Variants in DGKB observed in about 807,000 individuals in gnomAD.
DGKB encodes the protein 90 kDa diacylglycerol kinase.
Under a neutral mutation model 114.3 loss-of-function variants are expected in DGKB, and 67 were observed. That is an observed-to-expected ratio of 0.59 (90% CI 0.48 to 0.72). The LOEUF is 0.72. Among genes scored for constraint, DGKB ranks in the 30% least tolerant of loss-of-function variants. The pLI is 0.00. For missense variants in DGKB, 907 were observed against 975.2 expected, an observed-to-expected ratio of 0.93 and a Z score of 0.93; for synonymous variants, 398 against 323.1, an observed-to-expected ratio of 1.23 and a Z score of -2.49.
chr7:14,612,096 T>C (rs1209782120), intron 16 of DGKB, among the ~76,000 whole-genome samples: 1 of 151,648 alleles, frequency 6.6e-6, no homozygotes, highest in Non-Finnish European at 1.5e-5. Flanking sequence ...ATAATTTCTA[T>C]CATGTTTAGA....
intron 2 of DGKB, among the ~76,000 whole-genome samples, chr7:14,803,152 G>C (rs568601324): frequency 5.3e-5 from 8 of 151,692 alleles, no homozygotes; most frequent in African/African-American, 1.9e-4. Flanking sequence ...ATGTTGTCTA[G>C]GCTGGTCTTG....
intron 9 of DGKB, among the ~76,000 whole-genome samples, chr7:14,689,031 C>T (rs1243104965): frequency 3.3e-5 from 5 of 151,854 alleles, no homozygotes; most frequent in Non-Finnish European, 7.4e-5. Context: ...CTTCTCTCCC[C>T]ACACCTAGTT....
intron 21 of DGKB, among the ~76,000 whole-genome samples, chr7:14,474,546 C>G (rs943517048): frequency 1.3e-5 from 2 of 152,156 alleles, no homozygotes; most frequent in Non-Finnish European, 2.9e-5. Context: ...ACAAGGAATT[C>G]CACACTGCTT....
chr7:14,308,055 A>C (rs1323483262), intron 23 of DGKB, among the ~76,000 whole-genome samples: 3 of 152,122 alleles, frequency 2.0e-5, no homozygotes, highest in Admixed American at 2.0e-4. Context: ...AGAAAATTAA[A>C]ATAATGTAAA....
chr7:14,687,741 G>T (rs975519894), intron 9 of DGKB, among the ~76,000 whole-genome samples: 1 of 152,152 alleles, frequency 6.6e-6, no homozygotes, highest in Non-Finnish European at 1.5e-5. Context: ...TACTGTTCTT[G>T]TAATTCTTGT....
rs533648002 is a variant in DGKB, at chr7:14,153,578, G to A, written c.2305-4340C>T. ...TTGATAGTTGACTCTCAAATCTCCT[G>A]GGCCCTCCTTGCTAATTCCTACCTC... On this transcript the variant is annotated intron_variant, in intron 25 of 25. Coordinates refer to ENST00000402815, the MANE Select transcript of DGKB (RefSeq NM_001350709.2). Among the ~76,000 whole-genome samples, 195 of 152,012 alleles carry A rather than the reference G, an allele frequency of 1.3e-3. 1 individual carries two copies. The highest frequency in any genetic ancestry group is 4.3e-3 in the African/African-American group (178 of 41,502).
At chr7:14,757,422 T>C (rs1278197698) in intron 3 of DGKB, among the ~76,000 whole-genome samples, 1 of 152,086 alleles carries the variant, frequency 6.6e-6, no homozygotes, top group East Asian at 1.9e-4. Context: ...AGCACTGCAT[T>C]ATGAACTTCA....
chr7:14,839,017 C>T (rs1677570543), intron 2 of DGKB, among the ~76,000 whole-genome samples: 1 of 152,138 alleles, frequency 6.6e-6, no homozygotes, highest in Admixed American at 6.6e-5. Context: ...ACGAAGACTT[C>T]CCTTTCCGTT....
At chr7:14,514,248 C>T (rs1418675562) in intron 20 of DGKB, among the ~76,000 whole-genome samples, 1 of 151,856 alleles carries the variant, frequency 6.6e-6, no homozygotes, top group East Asian at 1.9e-4. Context: ...TGATACATTT[C>T]CCCCCAAAAT....
chr7:14,612,046 A>G (rs10265317), intron 16 of DGKB, among the ~76,000 whole-genome samples: 4,129 of 151,860 alleles, frequency 0.027, 175 homozygotes, highest in African/African-American at 0.095. Context: ...CCTTTAATAA[A>G]GCATTAGGAA....
chr7:14,953,513 C>T (rs533234760), intron 1 of DGKB, among the ~76,000 whole-genome samples: 1 of 152,168 alleles, frequency 6.6e-6, no homozygotes, highest in Admixed American at 6.6e-5. Context: ...TCACTTCCCA[C>T]ACACGAGGAT....
At chr7:14,552,171 T>C (rs1312519105) in intron 20 of DGKB, among the ~76,000 whole-genome samples, 1 of 152,174 alleles carries the variant, frequency 6.6e-6, no homozygotes, top group African/African-American at 2.4e-5. Flanking sequence ...CAAGGGAATA[T>C]GCTTGTGTGT....
intron 21 of DGKB, among the ~76,000 whole-genome samples, chr7:14,402,100 T>G (rs1418629012): frequency 6.6e-6 from 1 of 151,710 alleles, no homozygotes; most frequent in African/African-American, 2.4e-5. Flanking sequence ...CCATTCTCTT[T>G]TTAATTATTT....
chr7:14,324,921 T>G (rs1808459380), intron 23 of DGKB, among the ~76,000 whole-genome samples: 1 of 152,186 alleles, frequency 6.6e-6, no homozygotes. Context: ...TTTCAACCTT[T>G]CTTCTCGTAT....
At chr7:14,431,753 T>A (rs936966154) in intron 21 of DGKB, among the ~76,000 whole-genome samples, 3 of 152,154 alleles carry the variant, frequency 2.0e-5, no homozygotes, top group Non-Finnish European at 4.4e-5. Flanking sequence ...TATGTTATTA[T>A]AGAACTGATA....
intron 21 of DGKB, among the ~76,000 whole-genome samples, chr7:14,457,703 A>G (rs1221469098): frequency 2.0e-5 from 3 of 152,190 alleles, no homozygotes; most frequent in African/African-American, 7.2e-5. Flanking sequence ...AATGGGATCA[A>G]AAGCTCCTTA....
At position 14,583,107 on chromosome 7, in the gene DGKB, G is replaced by A. The variant is rs1294951423; in HGVS notation, c.1464C>T (p.Phe488=). The A allele has an allele frequency of 2.5e-6, 4 of 1,612,684 alleles. No individual in the cohort carries two copies. Among genetic ancestry groups the A allele is most frequent in the Non-Finnish European group, 3.4e-6 (4 of 1,179,270 alleles). Residue 488 remains phenylalanine, a synonymous_variant, in exon 18 of 26, where the codon TTC becomes TTT. Transcript: ENST00000402815. Reference sequence around the variant, plus strand: ...CATCTCCACCACAGGCTAACACTCTGAAGTCAGGAACATCACGGAAAAAGT... The same window carrying A: ...CATCTCCACCACAGGCTAACACTCTAAAGTCAGGAACATCACGGAAAAAGT... ...GLNFFRDVPD[F]RVLACGGDGT...
At chr7:14,607,903 A>T (rs990160669) in intron 16 of DGKB, among the ~76,000 whole-genome samples, 3 of 151,972 alleles carry the variant, frequency 2.0e-5, no homozygotes, top group African/African-American at 7.2e-5. Context: ...CCTTGTGAAT[A>T]ATTTGTCCTC....
chr7:14,685,318 A>C lies in DGKB; in HGVS notation c.756T>G (p.Phe252Leu), dbSNP rs1420511246. 1 of 1,613,884 alleles carries C rather than the reference A, an allele frequency of 6.2e-7. No homozygotes were observed. Residue 252 changes from phenylalanine (F) to leucine (L), a missense_variant, in exon 10 of 26, where the codon TTT (phenylalanine) becomes TTG (leucine). This residue lies in a region of DGKB where 814 missense variants were observed against 856.6 expected (regional missense o/e 0.95). Transcript: ENST00000402815. ...DGQHVWRLKH[F>L]NKPAYCNLCL... Reference sequence around the variant, plus strand: ...AAAGGTTGCAATAGGCAGGTTTGTTAAAGTGCTTCAGTCGCCACACGTGCT... The same window carrying C: ...AAAGGTTGCAATAGGCAGGTTTGTTCAAGTGCTTCAGTCGCCACACGTGCT...
Sources: allele counts gnomAD v4.1 joint callset (sites outside exome capture counted in the v4.1 genomes callset), GRCh38; gene constraint gnomAD v4.1.1; regional missense constraint gnomAD v4.1.1; transcripts MANE v1.5; gene names NCBI Gene and HGNC (gene_info 2026-07-23, HGNC 2026-07-21).